PGM5: variants seen among roughly 807,000 people sequenced by gnomAD.
PGM5 encodes phosphoglucomutase-like protein 5.
A neutral mutation model predicts 59.2 loss-of-function variants in PGM5; 23 were observed. That is an observed-to-expected ratio of 0.39 (90% CI 0.28 to 0.55). The LOEUF (loss-of-function observed/expected upper bound fraction) is 0.55. Among genes scored for constraint, PGM5 ranks in the 20% least tolerant of loss-of-function variants. The pLI, the probability that PGM5 is intolerant of heterozygous loss-of-function variation, is 0.66. For synonymous variants in PGM5, 214 were observed against 286.0 expected, an observed-to-expected ratio of 0.75 and a Z score of 2.54; for missense variants, 574 against 748.3, an observed-to-expected ratio of 0.77 and a Z score of 2.72.
chr9:68,475,505 T>C (rs1406686904), intron 7 of PGM5, among the ~76,000 whole-genome samples: 1 of 152,052 alleles, frequency 6.6e-6, no homozygotes, highest in Non-Finnish European at 1.5e-5. Context: ...CATATATACA[T>C]ATCTATATTT....
At chr9:68,491,474 A>G (rs2132099189) in intron 9 of PGM5, among the ~76,000 whole-genome samples, 1 of 152,342 alleles carries the variant, frequency 6.6e-6, no homozygotes. Context: ...ATGGGATGCT[A>G]CGATAACTGT....
At chr9:68,477,867 C>T (rs2132088414) in intron 7 of PGM5, among the ~76,000 whole-genome samples, 1 of 152,298 alleles carries the variant, frequency 6.6e-6, no homozygotes, top group East Asian at 1.9e-4. Flanking sequence ...AGGTAAATGG[C>T]TGAGCCAGGA....
chr9:68,503,964 G>C (rs1051972724), intron 10 of PGM5, among the ~76,000 whole-genome samples: 2 of 152,182 alleles, frequency 1.3e-5, no homozygotes, highest in Admixed American at 6.5e-5. Context: ...TCAGGTATGA[G>C]GAGGGCCAGA....
intron 6 of PGM5, among the ~76,000 whole-genome samples, chr9:68,417,747 C>T (rs782351992): frequency 1.3e-5 from 2 of 152,186 alleles, no homozygotes; most frequent in Non-Finnish European, 2.9e-5. Context: ...CTTTTCCTGC[C>T]TGTCTTGAAA....
chr9:68,377,274 C>G (rs1461231622), intron 1 of PGM5, among the ~76,000 whole-genome samples: 1 of 152,070 alleles, frequency 6.6e-6, no homozygotes, highest in African/African-American at 2.4e-5. Context: ...ATGTTGCCAG[C>G]CCTTTGAGTA....
At chr9:68,401,135 T>G (rs1300203331) in intron 6 of PGM5, among the ~76,000 whole-genome samples, 6 of 152,104 alleles carry the variant, frequency 3.9e-5, no homozygotes, top group Non-Finnish European at 7.4e-5. Context: ...AGGAATAAAT[T>G]GTTAACACTT....
intron 10 of PGM5, among the ~76,000 whole-genome samples, chr9:68,501,224 A>C (rs1455977704): frequency 2.0e-5 from 3 of 152,106 alleles, no homozygotes; most frequent in South Asian, 2.1e-4. Flanking sequence ...TGGGCCCCCG[A>C]GTATGTAGCA....
chr9:68,364,547 A>G (rs1411543326), intron 1 of PGM5, among the ~76,000 whole-genome samples: 2 of 152,200 alleles, frequency 1.3e-5, no homozygotes, highest in Non-Finnish European at 2.9e-5. Flanking sequence ...ATGGGCTGCT[A>G]TGATCCAGAC....
At chr9:68,482,630 T>C (rs1824216476) in intron 8 of PGM5, among the ~76,000 whole-genome samples, 1 of 152,218 alleles carries the variant, frequency 6.6e-6, no homozygotes, top group Admixed American at 6.5e-5. Flanking sequence ...CCTTTCTCTA[T>C]GCTACAGGAA....
At chr9:68,468,946 C>T (rs1279425741) in intron 7 of PGM5, among the ~76,000 whole-genome samples, 1 of 152,220 alleles carries the variant, frequency 6.6e-6, no homozygotes, top group Non-Finnish European at 1.5e-5. Flanking sequence ...GAGATGGACT[C>T]TTGCTCTGTC....
At chr9:68,444,917 A>T (rs1171650566) in intron 6 of PGM5, among the ~76,000 whole-genome samples, 1 of 152,048 alleles carries the variant, frequency 6.6e-6, no homozygotes, top group Non-Finnish European at 1.5e-5. Context: ...CTGGACCAGA[A>T]CTCCCACAGG....
At chr9:68,357,525 C>T (rs2131964701) in intron 1 of PGM5, 137 bp downstream of exon 1, 1 of 1,478,204 alleles carries the variant, frequency 6.8e-7, no homozygotes, top group Non-Finnish European at 9.0e-7. Flanking sequence ...CCCGCGTCCT[C>T]ACCCTCCAGC....
chr9:68,438,064 G>C (rs1249119495), intron 6 of PGM5, among the ~76,000 whole-genome samples: 1 of 152,040 alleles, frequency 6.6e-6, no homozygotes, highest in African/African-American at 2.4e-5. Flanking sequence ...GAGGTGGGTG[G>C]ATCGCCTGAG....
chr9:68,427,056 G>C (rs1554682747), intron 6 of PGM5: 1 of 152,232 alleles, frequency 6.6e-6, no homozygotes, highest in African/African-American at 2.4e-5. Flanking sequence ...ATTCATCAAA[G>C]AGTTTTTAAC....
At chr9:68,423,478 G>A (rs782234277) in intron 6 of PGM5, among the ~76,000 whole-genome samples, 19 of 152,190 alleles carry the variant, frequency 1.2e-4, no homozygotes, top group Non-Finnish European at 2.5e-4. Flanking sequence ...AGTAAATGGT[G>A]GTGAGGCACC....
intron 6 of PGM5, among the ~76,000 whole-genome samples, chr9:68,413,026 C>T (rs1219939161): frequency 6.6e-6 from 1 of 152,168 alleles, no homozygotes; most frequent in African/African-American, 2.4e-5. Context: ...CCTGTTGTTA[C>T]TGTGTGAGTT....
intron 10 of PGM5, among the ~76,000 whole-genome samples, chr9:68,525,573 T>C (rs1325984126): frequency 6.6e-6 from 1 of 152,150 alleles, no homozygotes; most frequent in Non-Finnish European, 1.5e-5. Flanking sequence ...TGGTTTCCCA[T>C]ATGAAAAACA....
At chr9:68,519,490 G>A (rs1005989732) in intron 10 of PGM5, among the ~76,000 whole-genome samples, 1 of 151,564 alleles carries the variant, frequency 6.6e-6, no homozygotes, top group South Asian at 2.1e-4. Context: ...TCTAGGTAAC[G>A]ATTAAAAAAA....
chr9:68,522,844 CT>C (rs1316783286), intron 10 of PGM5, among the ~76,000 whole-genome samples: 2 of 152,138 alleles, frequency 1.3e-5, no homozygotes, highest in Non-Finnish European at 1.5e-5. Context: ...ATTGTTTTCT[CT>C]CTACCAACTC....
Sources: allele counts gnomAD v4.1 joint callset (sites outside exome capture counted in the v4.1 genomes callset), GRCh38; gene constraint gnomAD v4.1.1; transcripts MANE v1.5; gene names NCBI Gene and HGNC (gene_info 2026-07-23, HGNC 2026-07-21).